The following UBR1 variants were observed in gnomAD, a reference collection of about 807,000 sequenced individuals.
UBR1 encodes the protein ubiquitin protein ligase E3 component n-recognin 1.
Under a neutral mutation model 242.1 loss-of-function variants are expected in UBR1, and 102 were observed. The observed-to-expected ratio is 0.42, with a 90% CI of 0.36 to 0.50. The LOEUF is 0.50. UBR1 is among the 20% of genes least tolerant of loss of function. The pLI is 0.01. For synonymous variants in UBR1, 675 were observed against 684.8 expected (o/e 0.99, Z 0.22); for missense variants, 1,772 against 2,101.8 (o/e 0.84, Z 3.07).
intron 3 of UBR1, among the ~76,000 whole-genome samples, chr15:43,076,032 C>G (rs1027176101): frequency 6.6e-6 from 1 of 152,162 alleles, no homozygotes; most frequent in African/African-American, 2.4e-5. Context: ...CGAGCCAAAG[C>G]TGGACGGTAC....
At chr15:43,014,653 T>A (rs1413923981) in intron 29 of UBR1, among the ~76,000 whole-genome samples, 1 of 141,968 alleles carries the variant, frequency 7.0e-6, no homozygotes, top group Non-Finnish European at 1.5e-5. Context: ...CAGCCGCCCC[T>A]TCTAAGAAGT....
At chr15:42,960,774 CTCT>C (rs1320270833) in intron 42 of UBR1, 73 bp from the exon 43 acceptor site, 6 of 1,503,798 alleles carry the variant, frequency 4.0e-6, no homozygotes, top group Non-Finnish European at 5.5e-6. Context: ...ACAAGCCATT[CTCT>C]TTTTTTTTTG....
intron 39 of UBR1, among the ~76,000 whole-genome samples, chr15:42,972,199 C>CAA (rs2032218171): frequency 2.0e-5 from 3 of 152,154 alleles, no homozygotes; most frequent in African/African-American, 2.4e-5. Context: ...ACACCCTTAC[C>CAA]CCTGGCAATC....
chr15:43,014,527 C>T (rs2032980512), intron 29 of UBR1, among the ~76,000 whole-genome samples: 1 of 151,250 alleles, frequency 6.6e-6, no homozygotes. Flanking sequence ...AGCGCCTCTG[C>T]CCCACCGCCC....
intron 26 of UBR1, among the ~76,000 whole-genome samples, chr15:43,022,398 T>A (rs1475127232): frequency 6.8e-6 from 1 of 146,728 alleles, no homozygotes; most frequent in Non-Finnish European, 1.5e-5. Flanking sequence ...AATACTGAGA[T>A]GAGGAATGAA....
At chr15:43,061,644 T>A (rs2033688670) in intron 6 of UBR1, among the ~76,000 whole-genome samples, 1 of 152,116 alleles carries the variant, frequency 6.6e-6, no homozygotes, top group Admixed American at 6.6e-5. Flanking sequence ...AGGAATGAAT[T>A]AACGGTATTT....
chr15:43,014,440 C>A (rs567507158), intron 29 of UBR1, among the ~76,000 whole-genome samples: 1 of 151,774 alleles, frequency 6.6e-6, no homozygotes. Flanking sequence ...AAGTGAGGAG[C>A]GCCTCTTCCC....
intron 3 of UBR1, among the ~76,000 whole-genome samples, chr15:43,076,393 G>A (rs1004748271): frequency 4.0e-5 from 6 of 151,460 alleles, no homozygotes; most frequent in Admixed American, 2.0e-4. Flanking sequence ...GCCTCTGCAC[G>A]GCCGCCACCC....
intron 44 of UBR1, 65 bp from the exon 45 acceptor site, chr15:42,952,513 T>C (rs557722656): frequency 8.3e-6 from 13 of 1,557,878 alleles, no homozygotes. Flanking sequence ...AAGTACCATA[T>C]ATCCTGTTAG....
intron 6 of UBR1, among the ~76,000 whole-genome samples, chr15:43,064,096 T>C (rs1186279970): frequency 6.6e-6 from 1 of 152,254 alleles, no homozygotes; most frequent in Admixed American, 6.5e-5. Flanking sequence ...GTAGATTCAA[T>C]CTGATTCATC....
intron 1 of UBR1, among the ~76,000 whole-genome samples, chr15:43,087,498 T>C (rs2034052203): frequency 6.6e-6 from 1 of 152,180 alleles, no homozygotes; most frequent in South Asian, 2.1e-4. Context: ...TGATTACATA[T>C]AAGGCTTTTT....
chr15:43,001,290 G>C (rs142848912), intron 32 of UBR1, among the ~76,000 whole-genome samples: 489 of 151,932 alleles, frequency 3.2e-3, no homozygotes, highest in African/African-American at 0.011. Flanking sequence ...TGGGATTATA[G>C]GTGCCCACCA....
In UBR1 at chr15:42,962,133, T is replaced by C. The variant is rs80056619; in HGVS notation, c.4701-1432A>G. 2.1e-3 allele frequency among the ~76,000 whole-genome samples: 325 copies of C among 152,036 alleles called. 7 individuals are homozygous for C. The East Asian group carries it at 0.044, about 20-fold the overall frequency. ...TTTCTTTGTTGTGTCTAATTATTTT[T>C]CTTCTCTTATTCATTTATTTTTTAC... On this transcript the variant is annotated intron_variant, in intron 42 of 46. Coordinates refer to ENST00000290650, the MANE Select transcript of UBR1 (RefSeq NM_174916.3).
chr15:43,020,254 T>TGTC (rs1379803894), intron 27 of UBR1, among the ~76,000 whole-genome samples: 7 of 151,686 alleles, frequency 4.6e-5, no homozygotes, highest in East Asian at 2.0e-4. Flanking sequence ...TTAGCCAGAC[T>TGTC]GGTCTCGAAC....
Position 43,029,994 on chromosome 15 carries a change from A to T in UBR1, c.2329T>A (p.Cys777Ser). ...GCACTGTGTGGCATGGGTTCAATGC[A>T]AAGCAAGTGAATGATTTCTCTCATT... ...VTMREIIHLL[C>S]IEPMPHSAIA... The change falls in exon 21 of 47, where the codon TGC becomes AGC. Residue 777 changes from cysteine (C) to serine (S), a missense_variant. Coordinates refer to ENST00000290650, the MANE Select transcript of UBR1 (RefSeq NM_174916.3). 1 of 1,614,142 alleles carries T rather than the reference A, an allele frequency of 6.2e-7. No homozygotes were observed. Among genetic ancestry groups the T allele is most frequent in the Non-Finnish European group, 8.5e-7 (1 of 1,180,008 alleles).
intron 12 of UBR1, among the ~76,000 whole-genome samples, chr15:43,054,335 A>G (rs1430594149): frequency 6.6e-6 from 1 of 152,066 alleles, no homozygotes; most frequent in Admixed American, 6.6e-5. Flanking sequence ...TGGGCAACAC[A>G]GCGAGACCCT....
chr15:43,105,109 C>T (rs1278020484), intron 1 of UBR1, among the ~76,000 whole-genome samples: 1 of 152,206 alleles, frequency 6.6e-6, no homozygotes, highest in African/African-American at 2.4e-5. Context: ...TATCCCAAAT[C>T]TCTAAATGCT....
chr15:43,010,628 A>T (rs910871682), intron 29 of UBR1, among the ~76,000 whole-genome samples: 1 of 152,032 alleles, frequency 6.6e-6, no homozygotes, highest in Non-Finnish European at 1.5e-5. Flanking sequence ...CTGGTGCTCA[A>T]ATGGAACTTT....
At chr15:43,043,122 T>G in intron 15 of UBR1, 93 bp downstream of exon 15, 1 of 1,426,546 alleles carries the variant, frequency 7.0e-7, no homozygotes, top group Non-Finnish European at 9.8e-7. Context: ...CTGTACATAT[T>G]GAGCACAGAA....
Sources: gnomAD v4.1 joint callset for allele counts (sites outside exome capture counted in the v4.1 genomes callset) on GRCh38, gnomAD v4.1.1 for gene constraint, MANE v1.5 for transcripts, NCBI Gene and HGNC (gene_info 2026-07-23, HGNC 2026-07-21) for gene names.